FAM240A: variants seen among roughly 807,000 people sequenced by gnomAD.
FAM240A encodes family with sequence similarity 240 member A, also known as protein FAM240A.
FAM240A carries 8 observed loss-of-function variants against 7.3 expected under a neutral mutation model. The ratio of observed to expected loss-of-function variants is 1.09; its 90% CI spans 0.64 to 1.97. The LOEUF is 1.97. Among genes scored for constraint, FAM240A ranks in the 30% most tolerant of loss-of-function variants. FAM240A has a pLI of 0.00. For synonymous variants in FAM240A, 32 were observed against 35.9 expected, an observed-to-expected ratio of 0.89 and a Z score of 0.38; for missense variants, 90 against 102.2, an observed-to-expected ratio of 0.88 and a Z score of 0.52.
chr3:46,616,439 C>G (rs184661897), intron 1 of FAM240A, among the ~76,000 whole-genome samples: 89 of 152,172 alleles, frequency 5.8e-4, no homozygotes, highest in African/African-American at 1.9e-3. Flanking sequence ...CACTTGTCAC[C>G]CAAATAGTGT....
In FAM240A at chr3:46,612,760, G is replaced by A. The variant is rs376710495; in HGVS notation, c.15+62G>A. Reference sequence around the variant, plus strand: ...AATTCCTAATGGTTATGGAGGTTATGGTTTGTCCAAGTTGGTGCTGATTCA... The same window carrying A: ...AATTCCTAATGGTTATGGAGGTTATAGTTTGTCCAAGTTGGTGCTGATTCA... On this transcript the variant is annotated intron_variant, in intron 1 of 2. Coordinates refer to ENST00000640551, the MANE Select transcript of FAM240A (RefSeq NM_001195442.2). 17 of 1,369,716 alleles carry A rather than the reference G, an allele frequency of 1.2e-5. No individual in the cohort carries two copies. The East Asian group carries it at 2.0e-4, about 16-fold the overall frequency. 84.8% of individuals were successfully genotyped at this position (1,369,716 alleles called of 1,614,324 possible).
intron 2 of FAM240A, among the ~76,000 whole-genome samples, chr3:46,623,804 G>A (rs1697724011): frequency 6.6e-6 from 1 of 152,064 alleles, no homozygotes; most frequent in Admixed American, 6.5e-5. Flanking sequence ...TATATATTTG[G>A]ATATTGTCTT....
rs573860436 is a variant in FAM240A at position 46,617,246 on chromosome 3, C to T, written c.79C>T (p.His27Tyr). Residue 27 changes from histidine (H) to tyrosine (Y), a missense_variant, in exon 2 of 3, where the codon CAT (histidine) becomes TAT (tyrosine). His to Tyr is a moderately conservative substitution (Grantham distance 83). Coordinates refer to ENST00000640551, the MANE Select transcript of FAM240A (RefSeq NM_001195442.2). ...FCRNTCHDLK[H>Y]FWEREIGKQT... The stretch of plus-strand genomic sequence containing the variant: ...CCGGAACACCTGCCATGATCTCAAG[C>T]ATTTCTGGGAAAGGGAAATTGGCAA... The T allele has an allele frequency of 6.2e-5, 95 of 1,535,274 alleles. No homozygotes were observed. The highest frequency in any genetic ancestry group is 2.9e-4 in the East Asian group (12 of 40,868).
chr3:46,622,481 G>C (rs1477204621), intron 2 of FAM240A, among the ~76,000 whole-genome samples: 1 of 152,090 alleles, frequency 6.6e-6, no homozygotes, highest in Non-Finnish European at 1.5e-5. Flanking sequence ...CACAAAGATT[G>C]TCTTCTGTTT....
rs2107150327 is a variant in FAM240A, at chr3:46,625,349, G to T, written c.*131G>T. 1.7e-6 allele frequency: 1 copy of T among 587,350 alleles called. No individual in the cohort carries two copies. Among genetic ancestry groups the T allele is most frequent in the Non-Finnish European group, 2.9e-6 (1 of 343,282 alleles). 36.4% of individuals were successfully genotyped at this position (587,350 alleles called of 1,614,324 possible). ...ACTATTGTTTCCCCACCTGGGAGAG[G>T]ACTTACCTGTAAATCCTTTCCCAGT... On this transcript the variant is annotated 3_prime_UTR_variant, in exon 3 of 3. Coordinates refer to ENST00000640551, the MANE Select transcript of FAM240A (RefSeq NM_001195442.2).
At chr3:46,612,817 C>G (rs906678083) in intron 1 of FAM240A, 119 bp downstream of exon 1, 1 of 801,464 alleles carries the variant, frequency 1.2e-6, no homozygotes. Context: ...CTCTCAAGTA[C>G]AAGATTAGAT....
At chr3:46,617,049 T>C in intron 1 of FAM240A, 134 bp from the exon 2 acceptor site, 2 of 602,796 alleles carry the variant, frequency 3.3e-6, no homozygotes, top group East Asian at 3.0e-5. Context: ...AACAGTCAAA[T>C]TGGAGTAAGG....
At position 46,626,312 on chromosome 3, in the gene FAM240A, C is replaced by T. The variant is rs1697760797; in HGVS notation, c.*1094C>T. 6.6e-6 allele frequency: 1 copy of T among 152,140 alleles called. No individual in the cohort carries two copies. Among genetic ancestry groups the T allele is most frequent in the African/African-American group, 2.4e-5 (1 of 41,398 alleles). 9.4% of individuals were successfully genotyped at this position (152,140 alleles called of 1,614,324 possible). On this transcript the variant is annotated 3_prime_UTR_variant, in exon 3 of 3. Transcript: ENST00000640551. Reference sequence around the variant, plus strand: ...GGAGTGGCCAACCGGGAGTTTCATACCTTAATTGTGAAGGACACCTGAACC... The same window carrying T: ...GGAGTGGCCAACCGGGAGTTTCATATCTTAATTGTGAAGGACACCTGAACC...
intron 2 of FAM240A, among the ~76,000 whole-genome samples, chr3:46,620,698 G>A (rs1409149615): frequency 6.6e-6 from 1 of 152,076 alleles, no homozygotes; most frequent in Non-Finnish European, 1.5e-5. Context: ...AAAGATGAGG[G>A]AGAATTTCCA....
At chr3:46,613,878 G>A (rs981864207) in intron 1 of FAM240A, among the ~76,000 whole-genome samples, 4 of 152,136 alleles carry the variant, frequency 2.6e-5, no homozygotes, top group Non-Finnish European at 4.4e-5. Flanking sequence ...AGTGTCAGCC[G>A]TTTAGAGTGA....
rs1697744394 is a variant in FAM240A at position 46,625,330 on chromosome 3, G to T, written c.*112G>T. The T allele has an allele frequency of 8.5e-6, 6 of 702,968 alleles. No homozygotes were observed. The South Asian group carries it at 1.2e-4, about 14-fold the overall frequency. 43.5% of individuals were successfully genotyped at this position (702,968 alleles called of 1,614,324 possible). ...TATACCAATCAGCTCTCACACTATT[G>T]TTTCCCCACCTGGGAGAGGACTTAC... On this transcript the variant is annotated 3_prime_UTR_variant, in exon 3 of 3. Coordinates refer to ENST00000640551, the MANE Select transcript of FAM240A (RefSeq NM_001195442.2).
Position 46,625,356 on chromosome 3 carries a change from C to T in FAM240A, c.*138C>T, listed in dbSNP as rs1183383883. The T allele has an allele frequency of 1.8e-6, 1 of 546,384 alleles. No homozygotes were observed. The highest frequency in any genetic ancestry group is 3.2e-6 in the Non-Finnish European group (1 of 314,282). 33.8% of individuals were successfully genotyped at this position (546,384 alleles called of 1,614,324 possible). On this transcript the variant is annotated 3_prime_UTR_variant, in exon 3 of 3. Coordinates refer to ENST00000640551, the MANE Select transcript of FAM240A (RefSeq NM_001195442.2). ...TTTCCCCACCTGGGAGAGGACTTAC[C>T]TGTAAATCCTTTCCCAGTGTTTGAT... is the stretch of plus-strand genomic sequence containing the variant.
chr3:46,618,495 G>A (rs547653270), intron 2 of FAM240A, among the ~76,000 whole-genome samples: 179 of 152,292 alleles, frequency 1.2e-3, no homozygotes, highest in African/African-American at 4.2e-3. Context: ...AAGCCAAGGG[G>A]TGAACAAAAC....
At chr3:46,621,418 G>A (rs558448186) in intron 2 of FAM240A, among the ~76,000 whole-genome samples, 21 of 151,860 alleles carry the variant, frequency 1.4e-4, no homozygotes, top group African/African-American at 3.6e-4. Flanking sequence ...TCTTTTTTCC[G>A]TTTTCTTATT....
intron 2 of FAM240A, among the ~76,000 whole-genome samples, chr3:46,617,781 C>T (rs901555391): frequency 6.6e-5 from 10 of 152,224 alleles, no homozygotes; most frequent in Admixed American, 3.3e-4. Flanking sequence ...GAAGCAGTGC[C>T]CAGTTCTCAG....
chr3:46,625,317 C>A lies in FAM240A; in HGVS notation c.*99C>A. 1.3e-6 allele frequency: 1 copy of A among 779,076 alleles called. No homozygotes were observed. The highest frequency in any genetic ancestry group is 2.0e-6 in the Non-Finnish European group (1 of 491,516). 48.3% of individuals were successfully genotyped at this position (779,076 alleles called of 1,614,324 possible). A position where few individuals can be genotyped will look rare whatever the true frequency, so the allele number is the denominator to read the frequency against. On this transcript the variant is annotated 3_prime_UTR_variant, in exon 3 of 3. Coordinates refer to ENST00000640551, the MANE Select transcript of FAM240A (RefSeq NM_001195442.2). ...TGAGTCCCTTTGCTATACCAATCAG[C>A]TCTCACACTATTGTTTCCCCACCTG...
intron 1 of FAM240A, among the ~76,000 whole-genome samples, chr3:46,615,462 T>C (rs73077559): frequency 0.085 from 13,009 of 152,166 alleles, 562 homozygotes; most frequent in Middle Eastern, 0.13. Flanking sequence ...GCCCCTCCCG[T>C]CCTGGTCACA....
At chr3:46,617,703 G>A (rs1229545873) in intron 2 of FAM240A, among the ~76,000 whole-genome samples, 3 of 152,182 alleles carry the variant, frequency 2.0e-5, no homozygotes, top group Admixed American at 6.5e-5. Flanking sequence ...TCTAGCACAT[G>A]AGGTTACACT....
rs964605037 is a variant in FAM240A, at chr3:46,626,079, G to A, written c.*861G>A. 1.4e-4 allele frequency: 22 copies of A among 152,198 alleles called. No homozygotes were observed. Among genetic ancestry groups the A allele is most frequent in the African/African-American group, 4.8e-4 (20 of 41,432 alleles). 9.4% of individuals were successfully genotyped at this position (152,198 alleles called of 1,614,324 possible). A position where few individuals can be genotyped will look rare whatever the true frequency, so the allele number is the denominator to read the frequency against. On this transcript the variant is annotated 3_prime_UTR_variant, in exon 3 of 3. Coordinates refer to ENST00000640551, the MANE Select transcript of FAM240A (RefSeq NM_001195442.2). ...GCCTGAGGCAATTATTTTAACCAAG[G>A]GAAGGGAGAAGAGATGCAATGATAT... is the stretch of plus-strand genomic sequence containing the variant.
Sources: gnomAD v4.1 joint callset for allele counts (sites outside exome capture counted in the v4.1 genomes callset) on GRCh38, gnomAD v4.1.1 for gene constraint, MANE v1.5 for transcripts, NCBI Gene and HGNC (gene_info 2026-07-23, HGNC 2026-07-21) for gene names.